Variants in PUM2 observed in about 807,000 individuals in gnomAD.
The protein encoded by PUM2 is pumilio RNA binding family member 2.
PUM2 carries 57 observed loss-of-function variants against 124.5 expected under a neutral mutation model. That is an observed-to-expected ratio of 0.46 (90% confidence interval 0.37 to 0.57). The LOEUF (loss-of-function observed/expected upper bound fraction) is 0.57. Among genes scored for constraint, PUM2 ranks in the 20% least tolerant of loss-of-function variants. PUM2 has a pLI of 0.00. For synonymous variants in PUM2, 460 were observed against 446.1 expected (o/e 1.03, Z -0.39); for missense variants, 1,065 against 1,290.6 (o/e 0.83, Z 2.68).
intron 10 of PUM2, among the ~76,000 whole-genome samples, chr2:20,285,837 T>C (rs1421730431): frequency 6.6e-6 from 1 of 151,958 alleles, no homozygotes; most frequent in Non-Finnish European, 1.5e-5. Flanking sequence ...ACAGGGAAAG[T>C]GGATAGAAGT....
chr2:20,276,519 C>A (rs1049530269), intron 13 of PUM2, among the ~76,000 whole-genome samples: 28 of 151,834 alleles, frequency 1.8e-4, no homozygotes, highest in Middle Eastern at 3.2e-3. Context: ...TATGTGAGCT[C>A]AGTAAAATTA....
At chr2:20,349,739 C>T (rs1688937375) in intron 1 of PUM2, among the ~76,000 whole-genome samples, 1 of 152,204 alleles carries the variant, frequency 6.6e-6, no homozygotes, top group Non-Finnish European at 1.5e-5. Flanking sequence ...TTTTCCTTCA[C>T]CAAAACATCT....
Position 20,326,504 on chromosome 2 carries a change from C to T in PUM2, c.51+806G>A, listed in dbSNP as rs571734361. 27 of 900,670 alleles carry T rather than the reference C, an allele frequency of 3.0e-5. No homozygotes were observed. The African/African-American group carries it at 4.4e-4, about 15-fold the overall frequency. The allele number at this position is 900,670 out of a possible 1,614,324, so 55.8% of individuals were successfully genotyped here. On this transcript the variant is annotated intron_variant, in intron 2 of 20. Coordinates refer to ENST00000361078, the MANE Select transcript of PUM2 (RefSeq NM_015317.5). The stretch of plus-strand genomic sequence containing the variant: ...TCTTAGGTCTGTTCACTGTTATCTT[C>T]TATTATCAAAGTCTACGTTAGTAGT...
At chr2:20,309,371 AATGT>A (rs2148560223) in intron 5 of PUM2, among the ~76,000 whole-genome samples, 1 of 152,036 alleles carries the variant, frequency 6.6e-6, no homozygotes, top group South Asian at 2.1e-4. Context: ...AAGAAATCGA[AATGT>A]ATGACATTTA....
chr2:20,335,431 G>A (rs892681056), intron 1 of PUM2, among the ~76,000 whole-genome samples: 3 of 152,160 alleles, frequency 2.0e-5, no homozygotes, highest in Non-Finnish European at 4.4e-5. Context: ...GTATTTATAG[G>A]AGACCATTAG....
At position 20,282,951 on chromosome 2, in the gene PUM2, T is replaced by C. The variant is rs758266662; in HGVS notation, c.1716A>G (p.Ser572=). ...AIGSALSGFG[S]SVGSSASSSA... Reference sequence around the variant, plus strand: ...TCATCGTAAAAACAAACTTACCTGATGAACCAAATCCACTGAGGGCTGAGC... The same window carrying C: ...TCATCGTAAAAACAAACTTACCTGACGAACCAAATCCACTGAGGGCTGAGC... The change falls in exon 12 of 21, where the codon TCA becomes TCG. Residue 572 remains serine, a synonymous_variant. Transcript: ENST00000361078. 6.2e-7 allele frequency: 1 copy of C among 1,612,750 alleles called. No individual in the cohort carries two copies. The highest frequency in any genetic ancestry group is 8.5e-7 in the Non-Finnish European group (1 of 1,179,598).
Position 20,258,313 on chromosome 2 carries a change from G to A in PUM2, c.2414C>T (p.Pro805Leu). The change falls in exon 16 of 21, where the codon CCC becomes CTC. Residue 805 changes from proline to leucine, a missense_variant. Around this residue, in one of 3 missense-constraint regions of PUM2, gnomAD observed 968 missense variants for 1,159.8 expected, o/e 0.83. Transcript: ENST00000361078. ...LATRIRGHVL[P>L]LALQMYGCRV... is the part of the protein sequence containing the mutation. Reference sequence around the variant, plus strand: ...GCAGCCATACATCTGCAAGGCTAAGGGTAGAACATGACCACGAATACGAGT... The same window carrying A: ...GCAGCCATACATCTGCAAGGCTAAGAGTAGAACATGACCACGAATACGAGT... The A allele has an allele frequency of 3.1e-6, 5 of 1,612,336 alleles. No homozygotes were observed. Among genetic ancestry groups the A allele is most frequent in the Non-Finnish European group, 4.2e-6 (5 of 1,178,784 alleles).
intron 1 of PUM2, among the ~76,000 whole-genome samples, chr2:20,332,704 T>C (rs1158274644): frequency 2.6e-5 from 4 of 152,168 alleles, no homozygotes; most frequent in Non-Finnish European, 5.9e-5. Context: ...CTGATGGTAA[T>C]AAAAAAGTTG....
At chr2:20,322,735 A>G (rs1682668841) in intron 2 of PUM2, among the ~76,000 whole-genome samples, 1 of 152,152 alleles carries the variant, frequency 6.6e-6, no homozygotes, top group Non-Finnish European at 1.5e-5. Context: ...GCCAAGGGTC[A>G]GAGGTTGCAG....
intron 19 of PUM2, 70 bp from the exon 20 acceptor site, chr2:20,254,084 G>T: frequency 7.6e-7 from 1 of 1,320,962 alleles, no homozygotes; most frequent in Non-Finnish European, 1.0e-6. Context: ...TTGACTTATA[G>T]AAAGAATCTT....
At chr2:20,323,007 A>C (rs1172122406) in intron 2 of PUM2, among the ~76,000 whole-genome samples, 7 of 152,176 alleles carry the variant, frequency 4.6e-5, no homozygotes, top group Non-Finnish European at 1.0e-4. Flanking sequence ...ATCACTTCCA[A>C]CAGGAAGTAG....
At chr2:20,273,324 C>T (rs1208229562) in intron 13 of PUM2, among the ~76,000 whole-genome samples, 2 of 152,160 alleles carry the variant, frequency 1.3e-5, no homozygotes, top group African/African-American at 4.8e-5. Context: ...TGTTCACATC[C>T]TTGTGAAGTC....
intron 10 of PUM2, among the ~76,000 whole-genome samples, chr2:20,284,186 G>A (rs1186600535): frequency 2.6e-5 from 4 of 152,146 alleles, no homozygotes; most frequent in African/African-American, 9.7e-5. Flanking sequence ...TATATAACAA[G>A]CATCACTCTG....
intron 4 of PUM2, 77 bp downstream of exon 4, chr2:20,312,159 T>C (rs926146034): frequency 3.4e-5 from 45 of 1,330,648 alleles, no homozygotes; most frequent in East Asian, 1.0e-4. Context: ...GAAAAACAAA[T>C]TGAATTAAAA....
chr2:20,253,403 A>G (rs1306522857), intron 20 of PUM2, among the ~76,000 whole-genome samples: 1 of 152,016 alleles, frequency 6.6e-6, no homozygotes, highest in Non-Finnish European at 1.5e-5. Context: ...ATGGGGGTCT[A>G]TGTTGTCCAG....
At chr2:20,304,260 C>A (rs1284180842) in intron 7 of PUM2, among the ~76,000 whole-genome samples, 5 of 152,152 alleles carry the variant, frequency 3.3e-5, no homozygotes, top group Admixed American at 6.5e-5. Context: ...AATTTACCCC[C>A]CTATGGATTC....
chr2:20,297,954 TA>T (rs1676028665), intron 7 of PUM2, among the ~76,000 whole-genome samples: 1 of 151,992 alleles, frequency 6.6e-6, no homozygotes, highest in Non-Finnish European at 1.5e-5. Flanking sequence ...TTATAGAAAA[TA>T]AAAATATAAA....
chr2:20,274,752 G>A (rs1314811507), intron 13 of PUM2, among the ~76,000 whole-genome samples: 2 of 151,164 alleles, frequency 1.3e-5, no homozygotes, highest in East Asian at 1.9e-4. Context: ...ACAAAAATAC[G>A]AACACTGCTT....
At chr2:20,297,451 T>A (rs1164057555) in intron 8 of PUM2, 102 bp downstream of exon 8, 1 of 1,150,984 alleles carries the variant, frequency 8.7e-7, no homozygotes, top group Non-Finnish European at 1.2e-6. Flanking sequence ...TCAGTTTTTC[T>A]TAGGAATTTC....
Sources: gnomAD v4.1 joint callset for allele counts (sites outside exome capture counted in the v4.1 genomes callset) on GRCh38, gnomAD v4.1.1 for gene constraint, gnomAD v4.1.1 regional missense constraint, MANE v1.5 for transcripts, NCBI Gene and HGNC (gene_info 2026-07-23, HGNC 2026-07-21) for gene names.